The following PLB1 variants were observed in gnomAD, a reference collection of about 807,000 sequenced individuals.
PLB1 encodes the protein phospholipase B1.
PLB1 carries 242 observed loss-of-function variants against 227.4 expected under a neutral mutation model. The observed-to-expected ratio is 1.06, with a 90% CI of 0.96 to 1.18. The LOEUF is 1.18. PLB1 is among the 50% of genes most tolerant of loss of function. The pLI, the probability that PLB1 is intolerant of heterozygous loss-of-function variation, is 0.00. For missense variants in PLB1, 1,858 were observed against 1,816.3 expected (o/e 1.02, Z -0.42); for synonymous variants, 757 against 682.2 (o/e 1.11, Z -1.71).
Position 28,630,594 on chromosome 2 carries a change from G to T in PLB1, c.3827G>T (p.Cys1276Phe). 1.2e-6 allele frequency: 2 copies of T among 1,613,626 alleles called. No individual in the cohort carries two copies. Among genetic ancestry groups the T allele is most frequent in the Non-Finnish European group, 1.7e-6 (2 of 1,179,728 alleles). The change falls in exon 54 of 58, where the codon TGC (cysteine) becomes TTC (phenylalanine). Residue 1276 changes from cysteine (C) to phenylalanine (F), a missense_variant. Physicochemically the swap from Cys to Phe is radical, Grantham distance 205 (BLOSUM62 -2). Coordinates refer to ENST00000327757, the MANE Select transcript of PLB1 (RefSeq NM_153021.5). ...KCAMLAAQNN[C>F]TCLRHSQSSL... is the part of the protein sequence containing the mutation. Reference sequence around the variant, plus strand: ...CACTCCCTGTCTCACAGGAACAACTGCACTTGCCTCAGACACTCGCAAAGC... The same window carrying T: ...CACTCCCTGTCTCACAGGAACAACTTCACTTGCCTCAGACACTCGCAAAGC...
At chr2:28,635,893 GCCT>G (rs1293011026) in intron 56 of PLB1, among the ~76,000 whole-genome samples, 1 of 152,178 alleles carries the variant, frequency 6.6e-6, no homozygotes, top group Non-Finnish European at 1.5e-5. Context: ...GACAGCTCCA[GCCT>G]CCTAACTGAC....
At chr2:28,626,251 C>T (rs973103892) in intron 50 of PLB1, among the ~76,000 whole-genome samples, 177 bp from the exon 51 acceptor site, 1 of 152,162 alleles carries the variant, frequency 6.6e-6, no homozygotes, top group Non-Finnish European at 1.5e-5. Context: ...CTGCCTCAGC[C>T]TCCCAAAGTG....
chr2:28,607,491 A>G (rs1464299439), intron 43 of PLB1, among the ~76,000 whole-genome samples: 1 of 152,154 alleles, frequency 6.6e-6, no homozygotes, highest in Non-Finnish European at 1.5e-5. Flanking sequence ...CCCCATCAGG[A>G]GAGCAAGAAT....
At chr2:28,500,629 C>A (rs1336901379) in intron 1 of PLB1, among the ~76,000 whole-genome samples, 1 of 152,070 alleles carries the variant, frequency 6.6e-6, no homozygotes, top group Non-Finnish European at 1.5e-5. Flanking sequence ...TGAACTCCCC[C>A]CTCCTTTTTG....
chr2:28,632,572 AG>A (rs781504710), intron 55 of PLB1, among the ~76,000 whole-genome samples: 34 of 151,982 alleles, frequency 2.2e-4, no homozygotes, highest in Non-Finnish European at 4.1e-4. Context: ...TTGAATCACG[AG>A]GTTAGGAGTT....
At chr2:28,631,492 A>G (rs769279304) in intron 54 of PLB1, among the ~76,000 whole-genome samples, 5 of 152,194 alleles carry the variant, frequency 3.3e-5, no homozygotes, top group African/African-American at 9.7e-5. Context: ...ATTTTTCCAG[A>G]TGGATGATAA....
intron 35 of PLB1, 76 bp from the exon 36 acceptor site, chr2:28,600,733 T>C: frequency 7.0e-7 from 1 of 1,426,342 alleles, no homozygotes. Flanking sequence ...TGTAGAAGCC[T>C]CTGGTTCAGG....
intron 9 of PLB1, 65 bp from the exon 10 acceptor site, chr2:28,538,254 C>T: frequency 6.2e-7 from 1 of 1,602,920 alleles, no homozygotes; most frequent in Non-Finnish European, 8.5e-7. Flanking sequence ...TGTTGTGAGT[C>T]TGGGTGGCCT....
In PLB1 at chr2:28,642,877, C is replaced by T. The variant is rs745757800; in HGVS notation, c.4193C>T (p.Thr1398Ile). Residue 1398 changes from threonine (T) to isoleucine (I), a missense_variant, in exon 58 of 58, where the codon ACC (threonine) becomes ATC (isoleucine). Thr to Ile is a moderately conservative substitution (Grantham distance 89, BLOSUM62 -1). Coordinates refer to ENST00000327757, the MANE Select transcript of PLB1 (RefSeq NM_153021.5). ...CCACAGGAGAGCCCTTACCTCTACA[C>T]CCTGCGGAACAGCCGATTGCTCCCA... The part of the protein sequence containing the change: ...CPSPESPYLY[T>I]LRNSRLLPDQ... The T allele has an allele frequency of 1.2e-6, 2 of 1,603,506 alleles. No individual in the cohort carries two copies. The highest frequency in any genetic ancestry group is 8.5e-7 in the Non-Finnish European group (1 of 1,174,748).
chr2:28,632,248 C>T, intron 55 of PLB1, 108 bp downstream of exon 55: 2 of 881,336 alleles, frequency 2.3e-6, no homozygotes, highest in African/African-American at 3.4e-5. Context: ...CATCTCTCTC[C>T]AAGAGGATTC....
chr2:28,546,526 C>A lies in PLB1; in HGVS notation c.937-2334C>A, dbSNP rs1236385575. Among the ~76,000 whole-genome samples, 4 of 152,160 alleles carry A rather than the reference C, an allele frequency of 2.6e-5. No individual in the cohort carries two copies. The South Asian group carries it at 8.3e-4, about 32-fold the overall frequency. ...AGAGTGGGGTGGAAGCCCAGACCAG[C>A]CCCGGTTGTCCCTGGAGTAAATAGC... On this transcript the variant is annotated intron_variant, in intron 14 of 57. Coordinates refer to ENST00000327757, the MANE Select transcript of PLB1 (RefSeq NM_153021.5).
chr2:28,617,940 G>A (rs1686433947), intron 45 of PLB1, among the ~76,000 whole-genome samples, 153 bp downstream of exon 45: 2 of 152,186 alleles, frequency 1.3e-5, no homozygotes, highest in African/African-American at 4.8e-5. Flanking sequence ...GCCACAGCTG[G>A]GCTTCCATGT....
chr2:28,619,742 G>A (rs1185067133), intron 46 of PLB1, among the ~76,000 whole-genome samples: 1 of 152,098 alleles, frequency 6.6e-6, no homozygotes, highest in Non-Finnish European at 1.5e-5. Context: ...TAGCCCTGAA[G>A]ATTTGTGTGG....
At chr2:28,553,699 G>GT (rs1674584089) in intron 17 of PLB1, among the ~76,000 whole-genome samples, 3 of 149,366 alleles carry the variant, frequency 2.0e-5, no homozygotes, top group African/African-American at 7.7e-5. Context: ...TGGTCCTAAA[G>GT]GGGGGGGACT....
chr2:28,509,594 G>A (rs966694272), intron 1 of PLB1, among the ~76,000 whole-genome samples: 4 of 152,158 alleles, frequency 2.6e-5, no homozygotes, highest in Admixed American at 6.5e-5. Context: ...GACTGATCTC[G>A]GCCAAACCTG....
intron 42 of PLB1, among the ~76,000 whole-genome samples, chr2:28,606,225 C>T (rs1684657048): frequency 6.6e-6 from 1 of 152,184 alleles, no homozygotes; most frequent in East Asian, 1.9e-4. Flanking sequence ...GTGCCGGCCA[C>T]CATGTTAGGC....
intron 8 of PLB1, 123 bp downstream of exon 8, chr2:28,529,902 T>C: frequency 2.4e-6 from 2 of 822,952 alleles, no homozygotes; most frequent in Non-Finnish European, 3.9e-6. Context: ...GTGACCTGGG[T>C]TCTTTAAAAA....
At chr2:28,573,008 G>A (rs1243539740) in intron 20 of PLB1, among the ~76,000 whole-genome samples, 189 bp from the exon 21 acceptor site, 1 of 152,168 alleles carries the variant, frequency 6.6e-6, no homozygotes, top group Non-Finnish European at 1.5e-5. Context: ...TGAAACATCT[G>A]TCGTGTGCTG....
intron 14 of PLB1, among the ~76,000 whole-genome samples, chr2:28,543,833 C>G (rs1251077633): frequency 6.6e-6 from 1 of 152,214 alleles, no homozygotes; most frequent in Non-Finnish European, 1.5e-5. Flanking sequence ...AGTAAGCACT[C>G]CACGTGGATT....
Sources: gnomAD v4.1 joint callset for allele counts (sites outside exome capture counted in the v4.1 genomes callset) on GRCh38, gnomAD v4.1.1 for gene constraint, MANE v1.5 for transcripts, NCBI Gene and HGNC (gene_info 2026-07-23, HGNC 2026-07-21) for gene names.